TENM1: variants seen among roughly 807,000 people sequenced by gnomAD.
TENM1 encodes teneurin transmembrane protein 1, also known as teneurin-1.
TENM1 carries 35 observed loss-of-function variants against 174.8 expected under a neutral mutation model. The observed-to-expected ratio is 0.20, with a 90% CI of 0.15 to 0.27. The LOEUF (loss-of-function observed/expected upper bound fraction) is 0.27. TENM1 is among the 10% of genes least tolerant of loss of function. TENM1 has a pLI of 1.00. For synonymous variants in TENM1, 781 were observed against 798.7 expected, an observed-to-expected ratio of 0.98 and a Z score of 0.37; for missense variants, 1,633 against 2,130.1, an observed-to-expected ratio of 0.77 and a Z score of 4.59.
chrX:125,124,516 C>G, the TENM1 span, among the ~76,000 whole-genome samples: 1 of 111,493 alleles, frequency 9.0e-6, no homozygotes, highest in Admixed American at 9.6e-5. Context: ...GTTGTGGCGA[C>G]CAAATGCGAC....
intron 27 of TENM1, among the ~76,000 whole-genome samples, chrX:124,397,021 C>T (rs942608722): frequency 4.5e-5 from 5 of 111,043 alleles, no homozygotes; most frequent in Non-Finnish European, 9.4e-5. Flanking sequence ...ATGCATCCTT[C>T]GGTTTCCCTT....
chrX:124,951,745 G>T (rs2058492266), intron 1 of TENM1, among the ~76,000 whole-genome samples: 2 of 103,684 alleles, frequency 1.9e-5, no homozygotes, highest in Non-Finnish European at 3.9e-5. Context: ...AAAAGAAAGT[G>T]CTGTTATACA....
chrX:124,760,568 T>A (rs190750449), intron 3 of TENM1, among the ~76,000 whole-genome samples: 178 of 111,991 alleles, frequency 1.6e-3, no homozygotes, highest in Non-Finnish European at 2.7e-3. Flanking sequence ...GACTTAAATG[T>A]TAGACCTAAA....
In TENM1 at chrX:124,693,476, C is replaced by T. The variant is rs760855273; in HGVS notation, c.1015+11537G>A. Among the ~76,000 whole-genome samples, 4 of 111,284 alleles carry T rather than the reference C, an allele frequency of 3.6e-5. No homozygotes were observed. In the South Asian group the frequency reaches 1.5e-3, roughly 42 times the overall value. ...CTTCTTTCTTTATTTCAATTTCGTT[C>T]CCTTTGCTATTCAAGTGCCTTTCAT... On this transcript the variant is annotated intron_variant, in intron 5 of 31. Coordinates refer to ENST00000422452, the Ensembl canonical transcript of TENM1.
intron 22 of TENM1, among the ~76,000 whole-genome samples, chrX:124,463,538 C>A (rs1417892051): frequency 1.8e-5 from 2 of 111,267 alleles, no homozygotes; most frequent in Non-Finnish European, 3.8e-5. Context: ...CATTATGTAA[C>A]CCTTGTCAGT....
intron 1 of TENM1, among the ~76,000 whole-genome samples, chrX:124,901,882 C>A (rs149656192): frequency 0.011 from 1,283 of 111,703 alleles, 9 homozygotes; most frequent in Middle Eastern, 0.019. Flanking sequence ...TAATTTTAAC[C>A]ATGACCTGAG....
At chrX:125,147,933 A>G in the TENM1 span, among the ~76,000 whole-genome samples, 243 of 111,751 alleles carry the variant, frequency 2.2e-3, 1 homozygote, top group African/African-American at 7.8e-3. Flanking sequence ...ATGGCCGCCA[A>G]TGACTTTTTC....
At chrX:124,622,873 C>T (rs1265739805) in intron 11 of TENM1, among the ~76,000 whole-genome samples, 1 of 111,399 alleles carries the variant, frequency 9.0e-6, no homozygotes, top group African/African-American at 3.3e-5. Flanking sequence ...AAGCACTTCA[C>T]ATTTAAAGAT....
At chrX:124,885,604 G>A (rs749258954) in intron 3 of TENM1, among the ~76,000 whole-genome samples, 4 of 110,237 alleles carry the variant, frequency 3.6e-5, no homozygotes, top group Non-Finnish European at 5.7e-5. Context: ...CATGATGCAC[G>A]GAAAGAAAAA....
chrX:124,784,592 G>C (rs2147183674), intron 3 of TENM1, among the ~76,000 whole-genome samples: 1 of 111,545 alleles, frequency 9.0e-6, no homozygotes, highest in South Asian at 3.8e-4. Flanking sequence ...AATATTCTGA[G>C]AGTCAAATAC....
the TENM1 span, among the ~76,000 whole-genome samples, chrX:125,169,596 C>T: frequency 2.7e-5 from 3 of 111,104 alleles, no homozygotes; most frequent in Admixed American, 9.6e-5. Context: ...ACCCTGAACC[C>T]ACCCTAATCT....
In TENM1 at chrX:124,486,621, A is replaced by G. The variant is rs754320849; in HGVS notation, c.3716+588T>C. On this transcript the variant is annotated intron_variant, in intron 21 of 31. Transcript: ENST00000422452. ...GTTTTGACAAGTGTAATGCGTAAACACATTGAATAGAAATATTCATTATGA... is the reference window on the plus strand; with the variant it reads ...GTTTTGACAAGTGTAATGCGTAAACGCATTGAATAGAAATATTCATTATGA... Among the ~76,000 whole-genome samples, 71 of 112,393 alleles carry G rather than the reference A, an allele frequency of 6.3e-4. 1 individual carries two copies. The highest frequency in any genetic ancestry group is 2.1e-3 in the African/African-American group (64 of 31,022).
intron 4 of TENM1, among the ~76,000 whole-genome samples, chrX:124,721,347 T>A (rs1024856626): frequency 9.0e-6 from 1 of 111,530 alleles, no homozygotes; most frequent in African/African-American, 3.3e-5. Context: ...TACTATAAGA[T>A]TTTCAATTAT....
chrX:125,112,995 G>T, the TENM1 span, among the ~76,000 whole-genome samples: 1 of 110,749 alleles, frequency 9.0e-6, no homozygotes, highest in South Asian at 3.8e-4. Flanking sequence ...AAGCCTAAAT[G>T]ATTTTGAAAA....
chrX:124,380,651 C>T, exon 32 of TENM1: 1 of 1,211,798 alleles, frequency 8.3e-7, no homozygotes, highest in Non-Finnish European at 1.1e-6. Flanking sequence ...TTGTACCCGC[C>T]CAGTGCTCAA....
chrX:124,983,541 C>T, the TENM1 span, among the ~76,000 whole-genome samples: 2 of 111,759 alleles, frequency 1.8e-5, no homozygotes, highest in South Asian at 7.6e-4. Flanking sequence ...ATAATAGGCC[C>T]TCACTGAATC....
intron 1 of TENM1, among the ~76,000 whole-genome samples, chrX:124,938,591 C>G (rs1380419637): frequency 8.9e-6 from 1 of 111,856 alleles, no homozygotes; most frequent in Admixed American, 9.5e-5. Flanking sequence ...TCTGAATTGG[C>G]TCTGAAATGG....
intron 17 of TENM1, among the ~76,000 whole-genome samples, chrX:124,521,788 T>C (rs1442943795): frequency 2.7e-5 from 3 of 112,162 alleles, no homozygotes; most frequent in Admixed American, 1.9e-4. Context: ...CTTGTGCACA[T>C]AGAAGAACTG....
intron 18 of TENM1, among the ~76,000 whole-genome samples, chrX:124,518,941 G>T (rs2047780219): frequency 8.9e-6 from 1 of 112,017 alleles, no homozygotes; most frequent in African/African-American, 3.2e-5. Context: ...ACAGTAAATG[G>T]CTGACACAAT....
Sources: allele counts gnomAD v4.1 joint callset (sites outside exome capture counted in the v4.1 genomes callset), GRCh38; gene constraint gnomAD v4.1.1; transcripts MANE v1.5; gene names NCBI Gene and HGNC (gene_info 2026-07-23, HGNC 2026-07-21).